The following MAD1L1 variants were observed in gnomAD, a reference collection of about 807,000 sequenced individuals.
MAD1L1 encodes the protein mitotic arrest deficient 1 like 1.
A neutral mutation model predicts 96.9 loss-of-function variants in MAD1L1; 95 were observed. That is an observed-to-expected ratio of 0.98 (90% CI 0.83 to 1.16). MAD1L1 has a LOEUF of 1.16. MAD1L1 is among the 50% of genes most tolerant of loss of function. The probability of loss-of-function intolerance (pLI) is 0.00; values close to 1 mark genes in which losing one functional copy is unlikely to be tolerated. For synonymous variants in MAD1L1, 473 were observed against 396.6 expected (o/e 1.19, Z -2.29); for missense variants, 1,007 against 954.4 (o/e 1.06, Z -0.73).
At chr7:1,994,933 G>A (rs1781493378) in intron 14 of MAD1L1, among the ~76,000 whole-genome samples, 1 of 152,216 alleles carries the variant, frequency 6.6e-6, no homozygotes, top group Non-Finnish European at 1.5e-5. Context: ...ACCCACCCCA[G>A]CTTCCCAAAG....
At position 1,826,915 on chromosome 7, in the gene MAD1L1, G is replaced by A. The variant is rs200112632; in HGVS notation, c.1999-10687C>T. 7.2e-5 allele frequency among the ~76,000 whole-genome samples: 11 copies of A among 152,180 alleles called. No homozygotes were observed. In the East Asian group the frequency reaches 1.7e-3, roughly 24 times the overall value. ...CCTTCAAGAGTGACTGGCGGGGCGGGCAAGGCCAGGCACCCCAGCAGTCGC... is the reference window on the plus strand; with the variant it reads ...CCTTCAAGAGTGACTGGCGGGGCGGACAAGGCCAGGCACCCCAGCAGTCGC... On this transcript the variant is annotated intron_variant, in intron 18 of 18. Transcript: ENST00000265854.
intron 11 of MAD1L1, among the ~76,000 whole-genome samples, chr7:2,077,568 G>A (rs529945942): frequency 1.7e-4 from 26 of 152,356 alleles, no homozygotes; most frequent in South Asian, 6.2e-4. Flanking sequence ...GAGAGCAAGT[G>A]CACGGGCTTG....
intron 17 of MAD1L1, among the ~76,000 whole-genome samples, chr7:1,919,689 G>A (rs528477448): frequency 3.3e-5 from 5 of 152,314 alleles, no homozygotes; most frequent in Non-Finnish European, 5.9e-5. Context: ...CACAATGACC[G>A]TGATTGGAGT....
chr7:2,070,546 C>T (rs766532662), intron 11 of MAD1L1, among the ~76,000 whole-genome samples: 3 of 152,182 alleles, frequency 2.0e-5, no homozygotes, highest in East Asian at 1.9e-4. Context: ...GGGGAGGGTG[C>T]GAGTCCGCGG....
At chr7:2,080,704 G>A (rs1226025521) in intron 11 of MAD1L1, among the ~76,000 whole-genome samples, 88 of 152,212 alleles carry the variant, frequency 5.8e-4, no homozygotes, top group Admixed American at 5.7e-3. Context: ...CCCTGCTGTC[G>A]GCTGCACAGG....
At chr7:2,195,966 G>C (rs1027363773) in intron 10 of MAD1L1, among the ~76,000 whole-genome samples, 1 of 152,270 alleles carries the variant, frequency 6.6e-6, no homozygotes, top group African/African-American at 2.4e-5. Flanking sequence ...GCTCCCAACA[G>C]AATCCTTTCA....
At chr7:1,970,531 G>A (rs1339008310) in intron 15 of MAD1L1, among the ~76,000 whole-genome samples, 2 of 151,824 alleles carry the variant, frequency 1.3e-5, no homozygotes, top group Non-Finnish European at 2.9e-5. Flanking sequence ...ACGGGGTTTC[G>A]CTATGTTGGC....
intron 18 of MAD1L1, among the ~76,000 whole-genome samples, chr7:1,816,575 C>A (rs1335119683): frequency 6.6e-6 from 1 of 152,138 alleles, no homozygotes; most frequent in African/African-American, 2.4e-5. Context: ...TTCACTGAGG[C>A]TGGAGGACCC....
rs187830164 is a variant in MAD1L1, at chr7:2,043,696, C to T, written c.1218+25498G>A. 1.1e-4 allele frequency among the ~76,000 whole-genome samples: 16 copies of T among 152,360 alleles called. 1 individual carries two copies. Among genetic ancestry groups the T allele is most frequent in the African/African-American group, 3.6e-4 (15 of 41,590 alleles). On this transcript the variant is annotated intron_variant, in intron 12 of 18. Transcript: ENST00000265854. ...CGCCTGTTTCCCACCACAAACAGCCCTGCGGAGTGCCAGCCTTTTTCTCGA... is the reference window on the plus strand; with the variant it reads ...CGCCTGTTTCCCACCACAAACAGCCTTGCGGAGTGCCAGCCTTTTTCTCGA...
At chr7:1,816,270 G>A (rs368071848) in intron 18 of MAD1L1, 42 bp from the exon 19 acceptor site, 122 of 1,583,344 alleles carry the variant, frequency 7.7e-5, no homozygotes, top group South Asian at 2.2e-4. Context: ...CGGTCAGCCC[G>A]ACAGGCCTCT....
At chr7:2,205,705 C>T (rs1266692216) in intron 10 of MAD1L1, among the ~76,000 whole-genome samples, 2 of 152,208 alleles carry the variant, frequency 1.3e-5, no homozygotes, top group Non-Finnish European at 2.9e-5. Context: ...GTTCTCAGTG[C>T]ATTGGCTTTC....
chr7:1,927,766 G>A (rs1458625641), intron 17 of MAD1L1, among the ~76,000 whole-genome samples: 1 of 152,196 alleles, frequency 6.6e-6, no homozygotes, highest in Admixed American at 6.5e-5. Context: ...TTGGCCTGGA[G>A]TTATGCAGAG....
At chr7:2,140,474 C>G (rs1788975887) in intron 11 of MAD1L1, among the ~76,000 whole-genome samples, 1 of 152,254 alleles carries the variant, frequency 6.6e-6, no homozygotes, top group Non-Finnish European at 1.5e-5. Flanking sequence ...AGAGGCCAAC[C>G]AGGGCAGGGA....
intron 12 of MAD1L1, among the ~76,000 whole-genome samples, chr7:2,038,599 G>A (rs185699318): frequency 7.5e-6 from 1 of 134,078 alleles, no homozygotes; most frequent in Non-Finnish European, 1.5e-5. Flanking sequence ...TGCAACCTCC[G>A]CCTTCTGGGT....
chr7:2,144,965 CT>C (rs1211892778), intron 11 of MAD1L1, among the ~76,000 whole-genome samples: 1 of 152,168 alleles, frequency 6.6e-6, no homozygotes, highest in Non-Finnish European at 1.5e-5. Context: ...CTGTCCACGG[CT>C]AAAGGAAGGG....
At chr7:1,921,520 A>C (rs1438586245) in intron 17 of MAD1L1, among the ~76,000 whole-genome samples, 1 of 152,046 alleles carries the variant, frequency 6.6e-6, no homozygotes, top group African/African-American at 2.4e-5. Flanking sequence ...ACAGGGTTTC[A>C]CCTTGTTGGC....
chr7:1,936,312 G>A (rs780699057), intron 17 of MAD1L1, among the ~76,000 whole-genome samples: 1 of 152,230 alleles, frequency 6.6e-6, no homozygotes, highest in East Asian at 1.9e-4. Context: ...CTCTCTGGAC[G>A]CCATGAAGCA....
intron 18 of MAD1L1, among the ~76,000 whole-genome samples, chr7:1,889,131 C>T (rs1786377163): frequency 6.6e-6 from 1 of 152,160 alleles, no homozygotes; most frequent in Non-Finnish European, 1.5e-5. Flanking sequence ...TGATCCTGGC[C>T]CACATAAAGG....
chr7:2,018,556 C>T (rs947958415), intron 12 of MAD1L1, among the ~76,000 whole-genome samples: 1 of 152,228 alleles, frequency 6.6e-6, no homozygotes, highest in African/African-American at 2.4e-5. Flanking sequence ...AAGTCCACAC[C>T]ATGGACACAG....
Sources: allele counts gnomAD v4.1 joint callset (sites outside exome capture counted in the v4.1 genomes callset), GRCh38; gene constraint gnomAD v4.1.1; transcripts MANE v1.5; gene names NCBI Gene and HGNC (gene_info 2026-07-23, HGNC 2026-07-21).